The following RPS6KA5 variants were observed in gnomAD, a reference collection of about 807,000 sequenced individuals.
The protein encoded by RPS6KA5 is ribosomal protein S6 kinase alpha-5.
In RPS6KA5, 27 loss-of-function variants were observed where a neutral mutation model predicts 85.5. The ratio of observed to expected loss-of-function variants is 0.32; its 90% confidence interval spans 0.23 to 0.44. The LOEUF (loss-of-function observed/expected upper bound fraction) is 0.44. RPS6KA5 is among the 20% of genes least tolerant of loss of function. The pLI, the probability that RPS6KA5 is intolerant of heterozygous loss-of-function variation, is 1.00. For synonymous variants in RPS6KA5, 334 were observed against 348.2 expected (o/e 0.96, Z 0.46); for missense variants, 811 against 980.9 (o/e 0.83, Z 2.31).
chr14:90,948,978 A>G (rs541164454), intron 3 of RPS6KA5, among the ~76,000 whole-genome samples: 1 of 152,342 alleles, frequency 6.6e-6, no homozygotes, highest in South Asian at 2.1e-4. Flanking sequence ...ACAGAATTAA[A>G]GAACTCTAAT....
intron 1 of RPS6KA5, among the ~76,000 whole-genome samples, chr14:91,008,959 G>C (rs1254914849): frequency 1.3e-5 from 2 of 152,234 alleles, no homozygotes; most frequent in Non-Finnish European, 2.9e-5. Flanking sequence ...CTAGAGGAAA[G>C]AGTGAACCCA....
chr14:90,892,472 G>A (rs1299131990), intron 13 of RPS6KA5, among the ~76,000 whole-genome samples: 1 of 152,232 alleles, frequency 6.6e-6, no homozygotes, highest in African/African-American at 2.4e-5. Flanking sequence ...GGAGGAGGGT[G>A]TGCCTAGTCA....
intron 2 of RPS6KA5, among the ~76,000 whole-genome samples, chr14:90,990,251 C>T (rs2040246219): frequency 6.6e-6 from 1 of 152,144 alleles, no homozygotes; most frequent in Admixed American, 6.5e-5. Context: ...AGAAAACATA[C>T]ACATTGCCAA....
chr14:90,875,354 T>C lies in RPS6KA5; in HGVS notation c.1843A>G (p.Met615Val), dbSNP rs573196540. The change falls in exon 15 of 17, where the codon ATG becomes GTG. Residue 615 changes from methionine to valine, a missense_variant. Met to Val is a conservative substitution (Grantham distance 21, BLOSUM62 1). Transcript: ENST00000614987. The part of the protein sequence containing the change: ...LWSLGVILYT[M>V]LSGQVPFQSH... ...TGGAAGGGAACCTGTCCTGACAACA[T>C]TGTGTACTATCAGGGAAAAAGTAAC... The C allele has an allele frequency of 2.7e-5, 43 of 1,612,242 alleles. No homozygotes were observed. In the Admixed American group the frequency reaches 7.2e-4, roughly 27 times the overall value.
chr14:90,911,421 C>A (rs1566730216), intron 7 of RPS6KA5: 1 of 152,050 alleles, frequency 6.6e-6, no homozygotes, highest in Non-Finnish European at 1.5e-5. Context: ...TCTATTTGTC[C>A]TCCATTTAAA....
chr14:90,876,373 G>A (rs978944281), intron 14 of RPS6KA5, among the ~76,000 whole-genome samples: 2 of 151,242 alleles, frequency 1.3e-5, no homozygotes, highest in Non-Finnish European at 3.0e-5. Context: ...AATTACCCCT[G>A]TTTTTATTTT....
At chr14:90,902,197 T>C (rs1279430270) in intron 9 of RPS6KA5, among the ~76,000 whole-genome samples, 1 of 147,038 alleles carries the variant, frequency 6.8e-6, no homozygotes, top group Non-Finnish European at 1.5e-5. Flanking sequence ...AAAAAAAAAT[T>C]TTTTTGGCTG....
At chr14:90,989,435 C>A (rs984678366) in intron 2 of RPS6KA5, among the ~76,000 whole-genome samples, 9 of 152,070 alleles carry the variant, frequency 5.9e-5, no homozygotes, top group African/African-American at 1.9e-4. Context: ...TTCTTTTTTC[C>A]TTTTTGTCAT....
At chr14:90,890,012 T>A (rs531044115) in intron 14 of RPS6KA5, among the ~76,000 whole-genome samples, 3 of 152,374 alleles carry the variant, frequency 2.0e-5, no homozygotes, top group South Asian at 2.1e-4. Flanking sequence ...AAGGACATTT[T>A]GTGAAAAGCA....
chr14:91,047,878 G>C (rs574279166), intron 1 of RPS6KA5, among the ~76,000 whole-genome samples: 1 of 152,234 alleles, frequency 6.6e-6, no homozygotes, highest in South Asian at 2.1e-4. Flanking sequence ...TCACTGATCT[G>C]TTTCCTCATA....
In RPS6KA5 at chr14:90,906,246, T is replaced by C. The variant is rs771878009; in HGVS notation, c.860A>G (p.Lys287Arg). 6.2e-7 allele frequency: 1 copy of C among 1,612,776 alleles called. No homozygotes were observed. Among genetic ancestry groups the C allele is most frequent in the Admixed American group, 1.7e-5 (1 of 59,998 alleles). ...PYPQEMSALAKDLIQRLLMKD... is the reference protein window; with the variant it reads ...PYPQEMSALARDLIQRLLMKD... Reference sequence around the variant, plus strand: ...CATCAAAAGACGCTGAATTAGGTCTTTCGCTAAAGCACTCATTTCTTGGGG... The same window carrying C: ...CATCAAAAGACGCTGAATTAGGTCTCTCGCTAAAGCACTCATTTCTTGGGG... The change falls in exon 8 of 17, where the codon AAA becomes AGA. Residue 287 changes from lysine (K) to arginine (R), a missense_variant. Coordinates refer to ENST00000614987, the MANE Select transcript of RPS6KA5 (RefSeq NM_004755.4).
chr14:90,965,277 C>A (rs568044269), intron 3 of RPS6KA5, among the ~76,000 whole-genome samples: 1 of 151,636 alleles, frequency 6.6e-6, no homozygotes, highest in Non-Finnish European at 1.5e-5. Flanking sequence ...CCCAGGTACT[C>A]GGGAGGCTGA....
intron 14 of RPS6KA5, among the ~76,000 whole-genome samples, chr14:90,886,633 A>C (rs1055703604): frequency 2.6e-5 from 4 of 152,230 alleles, no homozygotes; most frequent in African/African-American, 9.6e-5. Flanking sequence ...TCTGTAATCC[A>C]AAGAGAGGGC....
At chr14:90,981,627 G>A (rs1025134863) in intron 2 of RPS6KA5, among the ~76,000 whole-genome samples, 8 of 152,154 alleles carry the variant, frequency 5.3e-5, no homozygotes, top group Admixed American at 5.2e-4. Context: ...TAAAGACCAC[G>A]TACTCTGCCA....
In RPS6KA5 at chr14:91,044,351, GAAAGAAAGAAAGAGAAAGAAAGAAGGAA is replaced by G. The variant is rs1488600020; in HGVS notation, c.103+15953_103+15980del. ...AGAGAAAGATAGACAAAGAAAGAAAGAAAGAAAGAAAGAGAAAGAAAGAAGGAAAGAAAGAAAGAAGGAAAGAAAGAAA... is the reference window on the plus strand; with the variant it reads ...AGAGAAAGATAGACAAAGAAAGAAAGAGAAAGAAAGAAGGAAAGAAAGAAA... On this transcript the variant is annotated intron_variant, in intron 1 of 16. Transcript: ENST00000614987. Among the ~76,000 whole-genome samples, 32 of 34,848 alleles carry G rather than the reference GAAAGAAAGAAAGAGAAAGAAAGAAGGAA, an allele frequency of 9.2e-4. 1 individual carries two copies. The highest frequency in any genetic ancestry group is 2.7e-3 in the African/African-American group (31 of 11,656). 22.9% of individuals were successfully genotyped at this position (34,848 alleles called of 152,430 possible). A position where few individuals can be genotyped will look rare whatever the true frequency, so the allele number is the denominator to read the frequency against.
At chr14:90,918,323 C>T (rs752147698) in intron 7 of RPS6KA5, among the ~76,000 whole-genome samples, 20 of 152,304 alleles carry the variant, frequency 1.3e-4, no homozygotes, top group Admixed American at 3.9e-4. Context: ...TTGCCACCTA[C>T]ACATCTTCTC....
At chr14:90,998,150 A>T (rs1354359008) in intron 2 of RPS6KA5, among the ~76,000 whole-genome samples, 1 of 152,204 alleles carries the variant, frequency 6.6e-6, no homozygotes, top group Non-Finnish European at 1.5e-5. Context: ...AAATGCCTAG[A>T]AGAGGCAAAT....
intron 1 of RPS6KA5, among the ~76,000 whole-genome samples, chr14:91,023,951 T>C (rs2041892459): frequency 1.3e-5 from 2 of 152,226 alleles, no homozygotes; most frequent in African/African-American, 2.4e-5. Flanking sequence ...TCAATGTGTA[T>C]ACTCAAGTCT....
chr14:91,055,472 G>A (rs2043276462), intron 1 of RPS6KA5, among the ~76,000 whole-genome samples: 1 of 152,140 alleles, frequency 6.6e-6, no homozygotes, highest in Non-Finnish European at 1.5e-5. Context: ...ATGAAGTACT[G>A]ATGCATGCTA....
Sources: gnomAD v4.1 joint callset for allele counts (sites outside exome capture counted in the v4.1 genomes callset) on GRCh38, gnomAD v4.1.1 for gene constraint, MANE v1.5 for transcripts, NCBI Gene and HGNC (gene_info 2026-07-23, HGNC 2026-07-21) for gene names.